Variants in BSND observed in about 807,000 individuals in gnomAD.
BSND encodes barttin CLCNK type accessory subunit beta, also known as barttin.
BSND carries 13 observed loss-of-function variants against 18.8 expected under a neutral mutation model. That is an observed-to-expected ratio of 0.69 (90% confidence interval 0.45 to 1.10). BSND has a LOEUF of 1.10. Among genes scored for constraint, BSND ranks in the 50% least tolerant of loss-of-function variants. BSND has a pLI of 0.00. For synonymous variants in BSND, 170 were observed against 161.8 expected (o/e 1.05, Z -0.39); for missense variants, 379 against 416.7 (o/e 0.91, Z 0.79).
At chr1:55,006,608 A>C (rs1644392497) in intron 2 of BSND, among the ~76,000 whole-genome samples, 1 of 152,194 alleles carries the variant, frequency 6.6e-6, no homozygotes, top group Non-Finnish European at 1.5e-5. Context: ...GGGAATGAGA[A>C]TTTCTGCCTC....
rs1644454201 is a variant in BSND at position 55,016,894 on chromosome 1, G to T, written c.*8266G>T. On this transcript the variant is annotated 3_prime_UTR_variant, in exon 4 of 4. Transcript: ENST00000651561. ...GGCTAAGACATCATGCCACAGCTAT[G>T]CAAGGGACAGATACACGGCCATTCA... Among the ~76,000 whole-genome samples the T allele has an allele frequency of 6.6e-6, 1 of 152,208 alleles. No individual in the cohort carries two copies. Among genetic ancestry groups the T allele is most frequent in the African/African-American group, 2.4e-5 (1 of 41,454 alleles).
chr1:54,999,530 T>G (rs752647171), intron 1 of BSND, among the ~76,000 whole-genome samples, 167 bp downstream of exon 1: 77 of 147,650 alleles, frequency 5.2e-4, no homozygotes, highest in Non-Finnish European at 1.0e-3. Context: ...CATCCATCCA[T>G]CCATCCATCC....
intron 1 of BSND, among the ~76,000 whole-genome samples, chr1:54,999,610 G>A (rs147402909): frequency 5.3e-5 from 8 of 152,262 alleles, no homozygotes; most frequent in East Asian, 1.9e-4. Flanking sequence ...GCCCTGAGCC[G>A]GAAGCTATGG....
chr1:55,004,209 A>G (rs1362293770), intron 1 of BSND, among the ~76,000 whole-genome samples: 2 of 152,238 alleles, frequency 1.3e-5, no homozygotes, highest in Non-Finnish European at 2.9e-5. Flanking sequence ...TGGATAGACT[A>G]TATTTTGTTT....
chr1:55,008,496 G>A lies in BSND; in HGVS notation c.831G>A (p.Glu277=), dbSNP rs143916830. The change falls in exon 4 of 4, where the codon GAG becomes GAA. Residue 277 remains glutamate, a synonymous_variant. Transcript: ENST00000651561. The part of the protein sequence containing the change: ...WQRYPRTKVE[E]KEASDTGGEE... Reference sequence around the variant, plus strand: ...GGTACCCAAGGACAAAGGTGGAGGAGAAGGAGGCTTCGGACACAGGTGGGG... The same window carrying A: ...GGTACCCAAGGACAAAGGTGGAGGAAAAGGAGGCTTCGGACACAGGTGGGG... 2.5e-5 allele frequency: 41 copies of A among 1,614,250 alleles called. No homozygotes were observed. In the African/African-American group the frequency reaches 5.3e-4, roughly 21 times the overall value.
At position 55,003,985 on chromosome 1, in the gene BSND, C is replaced by T. The variant is rs138128187; in HGVS notation, c.178-1037C>T. Among the ~76,000 whole-genome samples the T allele has an allele frequency of 5.9e-5, 9 of 152,262 alleles. No individual in the cohort carries two copies. The East Asian group carries it at 1.7e-3, about 29-fold the overall frequency. ...GTCTTGTAAAGCTAAAACTCTATAC[C>T]CATTAAATCACAATTCCCCATTATC... On this transcript the variant is annotated intron_variant, in intron 1 of 3. Coordinates refer to ENST00000651561, the MANE Select transcript of BSND (RefSeq NM_057176.3).
At position 55,012,289 on chromosome 1, in the gene BSND, G is replaced by T. The variant is rs1169686010; in HGVS notation, c.*3661G>T. ...CTGAGCACTGTGTGCCTGTCACCAT[G>T]CAAGACACCGTCACCCCTATTACCC... On this transcript the variant is annotated 3_prime_UTR_variant, in exon 4 of 4. Transcript: ENST00000651561. 6.6e-6 allele frequency among the ~76,000 whole-genome samples: 1 copy of T among 152,164 alleles called. No individual in the cohort carries two copies.
In BSND at chr1:54,999,080, C is replaced by T. The variant is rs1644347348; in HGVS notation, c.-107C>T. On this transcript the variant is annotated 5_prime_UTR_variant, in exon 1 of 4. Coordinates refer to ENST00000651561, the MANE Select transcript of BSND (RefSeq NM_057176.3). ...TCTCCCTTGAAGCCTTGAGTTGCAG[C>T]GATTTCAGTGTCTTCTCTCCCTGTG... 8.7e-6 allele frequency: 12 copies of T among 1,386,290 alleles called. No homozygotes were observed. Among genetic ancestry groups the T allele is most frequent in the East Asian group, 4.6e-5 (2 of 43,358 alleles). The allele number at this position is 1,386,290 out of a possible 1,614,324, so 85.9% of individuals were successfully genotyped here.
chr1:54,999,518 CCCAT>C lies in BSND; in HGVS notation c.177+194_177+197del, dbSNP rs375479641. On this transcript the variant is annotated intron_variant, in intron 1 of 3. Coordinates refer to ENST00000651561, the MANE Select transcript of BSND (RefSeq NM_057176.3). The stretch of plus-strand genomic sequence containing the variant: ...TCTCTCTGCTCTCCTGAGCGTCTGT[CCCAT>C]CCATCCATCCATCCATCCATCCATC... Among the ~76,000 whole-genome samples, 6,081 of 148,830 alleles carry C rather than the reference CCCAT, an allele frequency of 0.041. 160 individuals are homozygous for C. The highest frequency in any genetic ancestry group is 0.11 in the South Asian group (545 of 4,744).
chr1:55,002,886 G>C (rs1385599482), intron 1 of BSND, among the ~76,000 whole-genome samples: 1 of 152,224 alleles, frequency 6.6e-6, no homozygotes, highest in African/African-American at 2.4e-5. Context: ...GGATGGTGAT[G>C]GTGACAATGG....
At chr1:55,003,715 T>A (rs1190202778) in intron 1 of BSND, among the ~76,000 whole-genome samples, 2 of 152,216 alleles carry the variant, frequency 1.3e-5, no homozygotes, top group Non-Finnish European at 2.9e-5. Flanking sequence ...AACTGAATCA[T>A]CAATAGCATC....
In BSND at chr1:55,014,569, C is replaced by T. The variant is rs1644440437; in HGVS notation, c.*5941C>T. Among the ~76,000 whole-genome samples the T allele has an allele frequency of 1.3e-5, 2 of 152,158 alleles. No homozygotes were observed. The highest frequency in any genetic ancestry group is 4.8e-5 in the African/African-American group (2 of 41,436). On this transcript the variant is annotated 3_prime_UTR_variant, in exon 4 of 4. Transcript: ENST00000651561. ...ATCAGGTGCCCATGTGCACCTGGGT[C>T]GTTCAAGCCTACAAGCACTGTGTCA...
intron 1 of BSND, among the ~76,000 whole-genome samples, chr1:55,002,444 G>A (rs1644365873): frequency 6.6e-6 from 1 of 152,242 alleles, no homozygotes; most frequent in East Asian, 1.9e-4. Context: ...CCTGCCTGCT[G>A]TGCTGGAGAC....
chr1:54,999,682 C>T (rs948058274), intron 1 of BSND, among the ~76,000 whole-genome samples: 9 of 152,184 alleles, frequency 5.9e-5, no homozygotes, highest in Admixed American at 4.6e-4. Flanking sequence ...GCGCTGACCC[C>T]CTGCCAGGCA....
In BSND at chr1:55,007,087, C is replaced by A; in HGVS notation, c.363C>A (p.Val121=). The change falls in exon 3 of 4, where the codon GTC becomes GTA. Residue 121 remains valine (V), a synonymous_variant. Coordinates refer to ENST00000651561, the MANE Select transcript of BSND (RefSeq NM_057176.3). ...ACTTCAGCCACATCCAGATGAAAGT[C>A]ATGAGCTACAGTGAGGACCACCGCT... ...LPDFSHIQMK[V]MSYSEDHRSL... 6.2e-7 allele frequency: 1 copy of A among 1,614,138 alleles called. No individual in the cohort carries two copies. The highest frequency in any genetic ancestry group is 2.2e-5 in the East Asian group (1 of 44,880).
chr1:55,002,197 A>G (rs1644364590), intron 1 of BSND, among the ~76,000 whole-genome samples: 1 of 152,252 alleles, frequency 6.6e-6, no homozygotes, highest in Non-Finnish European at 1.5e-5. Context: ...GTGGCTAGGC[A>G]TAGCACCAGC....
intron 1 of BSND, among the ~76,000 whole-genome samples, chr1:55,002,331 AG>A (rs1644365323): frequency 6.6e-6 from 1 of 152,156 alleles, no homozygotes; most frequent in Non-Finnish European, 1.5e-5. Context: ...GGACAGTTGG[AG>A]GTGCTGAGCC....
chr1:55,012,741 C>T lies in BSND; in HGVS notation c.*4113C>T, dbSNP rs1174085780. 1.3e-5 allele frequency among the ~76,000 whole-genome samples: 2 copies of T among 152,148 alleles called. No individual in the cohort carries two copies. The highest frequency in any genetic ancestry group is 4.8e-5 in the African/African-American group (2 of 41,410). Reference sequence around the variant, plus strand: ...GTAAAGAAAGTCTGTGTGCCCAGTGCTGAGAGGCAGGTGAGCCAACAGCAA... The same window carrying T: ...GTAAAGAAAGTCTGTGTGCCCAGTGTTGAGAGGCAGGTGAGCCAACAGCAA... On this transcript the variant is annotated 3_prime_UTR_variant, in exon 4 of 4. Transcript: ENST00000651561.
intron 3 of BSND, among the ~76,000 whole-genome samples, chr1:55,007,769 T>C (rs777958722): frequency 2.0e-5 from 3 of 152,154 alleles, no homozygotes; most frequent in Non-Finnish European, 4.4e-5. Flanking sequence ...TCCTTATTCA[T>C]CCATGTACTT....
Sources: allele counts gnomAD v4.1 joint callset (sites outside exome capture counted in the v4.1 genomes callset), GRCh38; gene constraint gnomAD v4.1.1; transcripts MANE v1.5; gene names NCBI Gene and HGNC (gene_info 2026-07-23, HGNC 2026-07-21).